TEX11: variants seen among roughly 807,000 people sequenced by gnomAD.
TEX11 encodes testis-expressed protein 11.
TEX11 carries 7 observed loss-of-function variants against 84.4 expected under a neutral mutation model. The ratio of observed to expected loss-of-function variants is 0.08; its 90% CI spans 0.05 to 0.16. The LOEUF (loss-of-function observed/expected upper bound fraction) is 0.16, where lower values mean the gene tolerates loss of function less well. Ranked by LOEUF, TEX11 falls within the 10% of genes least tolerant of loss-of-function variation. The pLI is 1.00. For missense variants in TEX11, 551 were observed against 660.5 expected (o/e 0.83, Z 1.82); for synonymous variants, 264 against 222.8 (o/e 1.18, Z -1.64).
chrX:70,588,634 A>G (rs1319528388), intron 25 of TEX11, among the ~76,000 whole-genome samples: 1 of 112,095 alleles, frequency 8.9e-6, no homozygotes, highest in Non-Finnish European at 1.9e-5. Context: ...ATGGACTAAT[A>G]CACCATATGA....
At chrX:70,663,714 G>A (rs1026351547) in intron 16 of TEX11, among the ~76,000 whole-genome samples, 2 of 111,518 alleles carry the variant, frequency 1.8e-5, no homozygotes, top group African/African-American at 3.3e-5. Flanking sequence ...AACCTATGAC[G>A]GATTTATCCA....
At chrX:70,552,029 C>T in intron 28 of TEX11, 97 bp downstream of exon 28, 1 of 916,500 alleles carries the variant, frequency 1.1e-6, no homozygotes, top group Non-Finnish European at 1.4e-6. Flanking sequence ...TATCCTAAAA[C>T]TCATATCAGA....
At chrX:70,551,524 C>T (rs1159799337) in intron 28 of TEX11, among the ~76,000 whole-genome samples, 1 of 110,898 alleles carries the variant, frequency 9.0e-6, no homozygotes, top group Non-Finnish European at 1.9e-5. Context: ...ATGTACACCG[C>T]TATGTACCCA....
intron 2 of TEX11, among the ~76,000 whole-genome samples, chrX:70,883,568 A>G (rs1015952227): frequency 7.2e-5 from 8 of 111,571 alleles, no homozygotes; most frequent in African/African-American, 2.3e-4. Context: ...CCTAAGCGGC[A>G]GAGACTGTCT....
At chrX:70,528,254 C>A (rs1229120017), downstream of TEX11, among the ~76,000 whole-genome samples, 1 of 111,933 alleles carries the variant, frequency 8.9e-6, no homozygotes, top group Non-Finnish European at 1.9e-5. Flanking sequence ...TGAGGTAGGA[C>A]ATTTTACCAA....
the TEX11 span, among the ~76,000 whole-genome samples, chrX:70,516,591 C>A: frequency 9.0e-6 from 1 of 111,660 alleles, no homozygotes; most frequent in South Asian, 3.7e-4. Flanking sequence ...TTAGGATTGT[C>A]TTAGCAATGC....
chrX:70,878,091 T>G (rs1602204757), intron 3 of TEX11, among the ~76,000 whole-genome samples: 1 of 109,948 alleles, frequency 9.1e-6, no homozygotes, highest in East Asian at 2.8e-4. Flanking sequence ...TCATACCCAC[T>G]AGAATGACTA....
chrX:70,515,225 C>T, the TEX11 span, among the ~76,000 whole-genome samples: 2 of 111,570 alleles, frequency 1.8e-5, no homozygotes, highest in Admixed American at 1.9e-4. Context: ...CCCATTAACT[C>T]GTCATTTACA....
chrX:70,662,179 T>C (rs2089935541), intron 16 of TEX11, among the ~76,000 whole-genome samples: 1 of 111,803 alleles, frequency 8.9e-6, no homozygotes, highest in African/African-American at 3.3e-5. Flanking sequence ...AAGGACCTGA[T>C]GGAGCTGAAA....
At chrX:70,902,684 A>G (rs1438164118) in intron 2 of TEX11, among the ~76,000 whole-genome samples, 1 of 110,508 alleles carries the variant, frequency 9.0e-6, no homozygotes, top group African/African-American at 3.3e-5. Flanking sequence ...AACCACAGGC[A>G]CGTGCCACCA....
chrX:70,789,484 C>T (rs1392099048), intron 9 of TEX11, among the ~76,000 whole-genome samples: 1 of 111,395 alleles, frequency 9.0e-6, no homozygotes, highest in Non-Finnish European at 1.9e-5. Flanking sequence ...CCCAGCTACT[C>T]GGGAAGCTGA....
intron 15 of TEX11, among the ~76,000 whole-genome samples, chrX:70,674,557 A>T (rs1202088565): frequency 8.9e-6 from 1 of 112,143 alleles, no homozygotes; most frequent in African/African-American, 3.2e-5. Context: ...CCTTGCCAGC[A>T]TCTATTATTT....
rs147320270 is a variant in TEX11 at position 70,605,312 on chromosome X, A to G, written c.2067+89T>C. On this transcript the variant is annotated intron_variant, in intron 24 of 29. Coordinates refer to ENST00000374333, the MANE Select transcript of TEX11 (RefSeq NM_031276.3). ...CTGGAGTGGAGAAAAGGATTCTCTA[A>G]AGAGAATCAAAAAGAACTGCATCAG... 3.8e-3 allele frequency: 2,206 copies of G among 575,458 alleles called. 48 individuals carry two copies. In the East Asian group the frequency reaches 0.066, roughly 17 times the overall value. The allele number at this position is 575,458 out of a possible 1,213,427, so 47.4% of individuals were successfully genotyped here. A position where few individuals can be genotyped will look rare whatever the true frequency, so the allele number is the denominator to read the frequency against.
the TEX11 span, among the ~76,000 whole-genome samples, chrX:70,515,411 G>C: frequency 9.0e-6 from 1 of 110,774 alleles, no homozygotes; most frequent in Admixed American, 9.6e-5. Flanking sequence ...GAGAATGATG[G>C]TTTCTAGCTT....
chrX:70,732,494 T>C (rs946535426), intron 11 of TEX11, among the ~76,000 whole-genome samples: 5 of 111,445 alleles, frequency 4.5e-5, no homozygotes, highest in African/African-American at 1.3e-4. Flanking sequence ...ACAAGCATTC[T>C]TATACACCAA....
In TEX11 at chrX:70,559,724, A is replaced by T. The variant is rs191768747; in HGVS notation, c.2141-4924T>A. On this transcript the variant is annotated intron_variant, in intron 25 of 29. Transcript: ENST00000374333. ...CTTTGTAGTATTCCATTGTATGAACATACCACAATTTATTTAATCTATCAT... is the reference window on the plus strand; with the variant it reads ...CTTTGTAGTATTCCATTGTATGAACTTACCACAATTTATTTAATCTATCAT... Among the ~76,000 whole-genome samples the T allele has an allele frequency of 6.2e-3, 693 of 112,400 alleles. 10 individuals are homozygous for T. Among genetic ancestry groups the T allele is most frequent in the South Asian group, 0.01 (27 of 2,690 alleles).
Position 70,806,674 on chromosome X carries a change from G to C in TEX11, c.692+31C>G. 5 of 983,426 alleles carry C rather than the reference G, an allele frequency of 5.1e-6. 1 individual carries two copies. The South Asian group carries it at 1.0e-4, about 20-fold the overall frequency. The allele number at this position is 983,426 out of a possible 1,213,427, so 81.0% of individuals were successfully genotyped here. A position where few individuals can be genotyped will look rare whatever the true frequency, so the allele number is the denominator to read the frequency against. ...AACTGACATCTATGATAATATTCCC[G>C]AGTTTACATTCAGTTTTTTGTTTAT... On this transcript the variant is annotated intron_variant, in intron 9 of 29. Transcript: ENST00000374333.
At chrX:70,897,300 G>C (rs1446883051) in intron 2 of TEX11, among the ~76,000 whole-genome samples, 4 of 103,073 alleles carry the variant, frequency 3.9e-5, no homozygotes, top group African/African-American at 7.1e-5. Context: ...GAATGAAACA[G>C]ACAAGAGTTG....
intron 9 of TEX11, among the ~76,000 whole-genome samples, chrX:70,756,096 C>T (rs1363887471): frequency 8.9e-6 from 1 of 112,297 alleles, no homozygotes; most frequent in Non-Finnish European, 1.9e-5. Flanking sequence ...ACCGTGAAAA[C>T]AAAGAGGCCA....
Sources: allele counts gnomAD v4.1 joint callset (sites outside exome capture counted in the v4.1 genomes callset), GRCh38; gene constraint gnomAD v4.1.1; transcripts MANE v1.5; gene names NCBI Gene and HGNC (gene_info 2026-07-23, HGNC 2026-07-21).